Variants in PAMR1 observed in about 807,000 individuals in gnomAD.
PAMR1 encodes peptidase domain containing associated with muscle regeneration 1.
Under a neutral mutation model 81.8 loss-of-function variants are expected in PAMR1, and 88 were observed. The ratio of observed to expected loss-of-function variants is 1.08; its 90% confidence interval spans 0.91 to 1.28. The LOEUF is 1.28. Among genes scored for constraint, PAMR1 ranks in the 50% most tolerant of loss-of-function variants. PAMR1 has a pLI of 0.00. For synonymous variants in PAMR1, 336 were observed against 345.3 expected, an observed-to-expected ratio of 0.97 and a Z score of 0.30; for missense variants, 935 against 919.7, an observed-to-expected ratio of 1.02 and a Z score of -0.21.
upstream of PAMR1, among the ~76,000 whole-genome samples, chr11:35,526,352 C>T (rs1443631044): frequency 6.6e-6 from 1 of 152,180 alleles, no homozygotes; most frequent in African/African-American, 2.4e-5. Flanking sequence ...TAAATAGCTC[C>T]TGCGCACACG....
intron 6 of PAMR1, among the ~76,000 whole-genome samples, chr11:35,463,174 T>A (rs1856692811): frequency 6.6e-6 from 1 of 152,208 alleles, no homozygotes; most frequent in African/African-American, 2.4e-5. Context: ...AGCGCGGGTC[T>A]CCCCTTTGAA....
At position 35,432,711 on chromosome 11, in the gene PAMR1, A is replaced by G. The variant is rs766074036; in HGVS notation, c.1808T>C (p.Val603Ala). The change falls in exon 11 of 11, where the codon GTC becomes GCC. Residue 603 changes from valine (V) to alanine (A), a missense_variant. Coordinates refer to ENST00000619888, the MANE Select transcript of PAMR1 (RefSeq NM_001001991.3). ...GCCAGGGCTCCTCACGTCTGCCAGG[A>G]CATTCCAGCCAGCCACAGTGATGTG... ...ESHITVAGWN[V>A]LADVRSPGFK... 9.9e-6 allele frequency: 16 copies of G among 1,614,006 alleles called. No individual in the cohort carries two copies. The highest frequency in any genetic ancestry group is 1.4e-5 in the Non-Finnish European group (16 of 1,179,878).
chr11:35,481,499 G>A (rs1227985982), intron 3 of PAMR1, among the ~76,000 whole-genome samples: 1 of 130,142 alleles, frequency 7.7e-6, no homozygotes, highest in Non-Finnish European at 1.8e-5. Flanking sequence ...CTGCATAAAT[G>A]TCTTCTTGTT....
intron 6 of PAMR1, among the ~76,000 whole-genome samples, chr11:35,460,291 A>G (rs1014263605): frequency 3.3e-5 from 5 of 149,488 alleles, no homozygotes; most frequent in African/African-American, 1.2e-4. Flanking sequence ...CTATGCTCTC[A>G]CTGTTTGTAT....
At position 35,432,716 on chromosome 11, in the gene PAMR1, C is replaced by T. The variant is rs1389880142; in HGVS notation, c.1803G>A (p.Trp601Ter). 68 of 1,613,856 alleles carry T rather than the reference C, an allele frequency of 4.2e-5. No homozygotes were observed. The highest frequency in any genetic ancestry group is 5.7e-5 in the Non-Finnish European group (67 of 1,179,876). The change falls in exon 11 of 11, where the codon TGG becomes TGA. Residue 601 changes from tryptophan (W) to a stop codon, truncating the protein, a stop_gained. Coordinates refer to ENST00000619888, the MANE Select transcript of PAMR1 (RefSeq NM_001001991.3). LOFTEE classifies it high-confidence loss of function. The stretch of plus-strand genomic sequence containing the variant: ...GGCTCCTCACGTCTGCCAGGACATT[C>T]CAGCCAGCCACAGTGATGTGGGACT... ...FQESHITVAG[W>*]NVLADVRSPG...
upstream of PAMR1, among the ~76,000 whole-genome samples, chr11:35,528,106 C>T (rs1851419716): frequency 6.6e-6 from 1 of 151,892 alleles, no homozygotes; most frequent in Non-Finnish European, 1.5e-5. Flanking sequence ...AAGTGATGAA[C>T]CTGAAGGATA....
intron 6 of PAMR1, among the ~76,000 whole-genome samples, chr11:35,455,951 C>T (rs1362420838): frequency 6.6e-6 from 1 of 151,710 alleles, no homozygotes; most frequent in Non-Finnish European, 1.5e-5. Flanking sequence ...TACTTATTCC[C>T]CAGGTCAGAT....
Position 35,492,071 on chromosome 11 carries a change from G to A in PAMR1, c.353C>T (p.Ala118Val). 1.2e-6 allele frequency: 2 copies of A among 1,613,878 alleles called. No individual in the cohort carries two copies. The highest frequency in any genetic ancestry group is 1.1e-5 in the South Asian group (1 of 91,026). ...VKGFYCAECR[A>V]GWYGGDCMRC... is the part of the protein sequence containing the mutation. ...CATGCAGTCTCCTCCGTACCAGCCT[G>A]CTCGGCACTCTGCACAGTAGAACCC... The change falls in exon 3 of 11, where the codon GCA (alanine) becomes GTA (valine). Residue 118 changes from alanine to valine, a missense_variant. Transcript: ENST00000619888.
Position 35,441,657 on chromosome 11 carries a change from G to A in PAMR1, c.857C>T (p.Pro286Leu). Reference protein sequence around the residue: ...EERNCSDPGGPVNGYQKITGG... With the variant: ...EERNCSDPGGLVNGYQKITGG... ...TGTTATTTTCTGGTACCCATTGACT[G>A]GGCCCCCAGGGTCTGAGCAGTTTCT... The change falls in exon 7 of 11, where the codon CCA becomes CTA. Residue 286 changes from proline to leucine, a missense_variant. Pro to Leu is a moderately conservative substitution (Grantham distance 98). Coordinates refer to ENST00000619888, the MANE Select transcript of PAMR1 (RefSeq NM_001001991.3). 2 of 1,613,692 alleles carry A rather than the reference G, an allele frequency of 1.2e-6. No individual in the cohort carries two copies. The highest frequency in any genetic ancestry group is 1.7e-6 in the Non-Finnish European group (2 of 1,179,736).
In PAMR1 at chr11:35,448,905, C is replaced by T. The variant is rs182253219; in HGVS notation, c.821-7212G>A. On this transcript the variant is annotated intron_variant, in intron 6 of 10. Coordinates refer to ENST00000619888, the MANE Select transcript of PAMR1 (RefSeq NM_001001991.3). ...GGCCCCTCTTCTGCAGGGCTGCTGCCGTTTGCTGGAGGTCCACTCCAGACT... is the reference window on the plus strand; with the variant it reads ...GGCCCCTCTTCTGCAGGGCTGCTGCTGTTTGCTGGAGGTCCACTCCAGACT... 6.2e-3 allele frequency among the ~76,000 whole-genome samples: 940 copies of T among 152,268 alleles called. 37 individuals carry two copies. The highest frequency in any genetic ancestry group is 0.058 in the Admixed American group (886 of 15,294).
In PAMR1 at chr11:35,480,082, G is replaced by A. The variant is rs1367440579; in HGVS notation, c.380-5338C>T. ...TGCCTCCCCCATGACGCAGTTCCAC[G>A]AGAGCAGGAATATCATCTGTCCTGT... On this transcript the variant is annotated intron_variant, in intron 3 of 10. Transcript: ENST00000619888. 7.2e-5 allele frequency among the ~76,000 whole-genome samples: 11 copies of A among 152,236 alleles called. No individual in the cohort carries two copies. In the East Asian group the frequency reaches 1.4e-3, roughly 19 times the overall value.
chr11:35,447,810 C>G (rs1436980828), intron 6 of PAMR1, among the ~76,000 whole-genome samples: 23 of 152,114 alleles, frequency 1.5e-4, no homozygotes, highest in Admixed American at 1.5e-3. Flanking sequence ...TCAGTGCTTC[C>G]TTCAGGAGCT....
At chr11:35,508,201 T>C (rs1390592309) in intron 1 of PAMR1, among the ~76,000 whole-genome samples, 2 of 152,206 alleles carry the variant, frequency 1.3e-5, no homozygotes, top group Non-Finnish European at 2.9e-5. Context: ...GAACCCAAGA[T>C]GGTGGGGAAG....
intron 5 of PAMR1, among the ~76,000 whole-genome samples, chr11:35,470,211 A>T (rs1349984612): frequency 6.6e-6 from 1 of 152,168 alleles, no homozygotes; most frequent in Non-Finnish European, 1.5e-5. Flanking sequence ...AGAAGAACTT[A>T]CCCAAGGTCA....
At chr11:35,511,107 T>C (rs1040523846) in intron 1 of PAMR1, among the ~76,000 whole-genome samples, 20 of 152,222 alleles carry the variant, frequency 1.3e-4, no homozygotes, top group African/African-American at 4.8e-4. Context: ...ATATATTTAG[T>C]AAACAAATGA....
chr11:35,447,956 T>C (rs1031306236), intron 6 of PAMR1, among the ~76,000 whole-genome samples: 1 of 152,266 alleles, frequency 6.6e-6, no homozygotes, highest in African/African-American at 2.4e-5. Flanking sequence ...TCTTTAAGAA[T>C]GTTGAATATT....
At chr11:35,476,622 T>TTC (rs1850289857) in intron 3 of PAMR1, among the ~76,000 whole-genome samples, 1 of 152,186 alleles carries the variant, frequency 6.6e-6, no homozygotes, top group South Asian at 2.1e-4. Flanking sequence ...TATTTCTACA[T>TTC]AGCAGAGTGA....
chr11:35,497,675 T>C (rs191577450), intron 1 of PAMR1, among the ~76,000 whole-genome samples: 26 of 152,312 alleles, frequency 1.7e-4, no homozygotes, highest in African/African-American at 6.3e-4. Context: ...AGGTAAAATG[T>C]TTTTGTGTGT....
chr11:35,517,876 G>C (rs1851196646), intron 1 of PAMR1, among the ~76,000 whole-genome samples: 1 of 152,192 alleles, frequency 6.6e-6, no homozygotes, highest in South Asian at 2.1e-4. Context: ...ATAAATACAT[G>C]AATATGGACA....
Sources: allele counts gnomAD v4.1 joint callset (sites outside exome capture counted in the v4.1 genomes callset), GRCh38; gene constraint gnomAD v4.1.1; transcripts MANE v1.5; gene names NCBI Gene and HGNC (gene_info 2026-07-23, HGNC 2026-07-21).